The following TMCC1 variants were observed in gnomAD, a reference collection of about 807,000 sequenced individuals.
TMCC1 encodes the protein transmembrane and coiled-coil domain family 1, also known as transmembrane and coiled-coil domains protein 1.
Under a neutral mutation model 52.4 loss-of-function variants are expected in TMCC1, and 15 were observed. That is an observed-to-expected ratio of 0.29 (90% CI 0.19 to 0.44). The LOEUF is 0.44. Among genes scored for constraint, TMCC1 ranks in the 20% least tolerant of loss-of-function variants. The pLI, the probability that TMCC1 is intolerant of heterozygous loss-of-function variation, is 1.00. For missense variants in TMCC1, 503 were observed against 806.0 expected, an observed-to-expected ratio of 0.62 and a Z score of 4.55; for synonymous variants, 279 against 301.9, an observed-to-expected ratio of 0.92 and a Z score of 0.79.
At chr3:129,782,829 T>C (rs936935965) in intron 4 of TMCC1, among the ~76,000 whole-genome samples, 3 of 152,176 alleles carry the variant, frequency 2.0e-5, no homozygotes, top group African/African-American at 7.2e-5. Flanking sequence ...ACACAGAAAA[T>C]ATTTGGAAGC....
intron 4 of TMCC1, among the ~76,000 whole-genome samples, chr3:129,692,502 T>C (rs1038622451): frequency 1.3e-5 from 2 of 152,244 alleles, no homozygotes; most frequent in African/African-American, 4.8e-5. Flanking sequence ...AGAGTGGTTA[T>C]ATCTTTGAGT....
intron 2 of TMCC1, among the ~76,000 whole-genome samples, chr3:129,868,204 T>C (rs1342183072): frequency 6.6e-6 from 1 of 152,158 alleles, no homozygotes; most frequent in Non-Finnish European, 1.5e-5. Context: ...TTTCTGGCTA[T>C]GAAAATTCGC....
rs372005661 is a variant in TMCC1, at chr3:129,828,836, G to T, written c.-130-328C>A. Among the ~76,000 whole-genome samples, 7 of 152,296 alleles carry T rather than the reference G, an allele frequency of 4.6e-5. No individual in the cohort carries two copies. The East Asian group carries it at 1.3e-3, about 29-fold the overall frequency. On this transcript the variant is annotated intron_variant, in intron 3 of 6. Transcript: ENST00000393238. This position sits in a 1 kb window ranked among gnomAD's most constrained non-coding sequence, Gnocchi z 4.1. ...TGGAATGGACACTATAATGGTAGTT[G>T]ACAGAACAGCCATTGCTTGGGAAAT... is the stretch of plus-strand genomic sequence containing the variant.
At chr3:129,797,505 G>T (rs1388969139) in intron 4 of TMCC1, among the ~76,000 whole-genome samples, 2 of 152,172 alleles carry the variant, frequency 1.3e-5, no homozygotes, top group African/African-American at 4.8e-5. Context: ...ACTTTGGGAG[G>T]CCAAGGCAGG....
chr3:129,809,049 C>T (rs1333457110), intron 4 of TMCC1, among the ~76,000 whole-genome samples: 1 of 151,334 alleles, frequency 6.6e-6, no homozygotes, highest in African/African-American at 2.4e-5. Context: ...CCTGGCTAAC[C>T]ATCCTGGCTA....
chr3:129,888,522 G>A (rs552125354), intron 1 of TMCC1, among the ~76,000 whole-genome samples: 1 of 152,244 alleles, frequency 6.6e-6, no homozygotes, highest in East Asian at 1.9e-4. Flanking sequence ...AAATATACAA[G>A]ATGAACCTTA....
chr3:129,741,240 C>A (rs141566206), intron 4 of TMCC1, among the ~76,000 whole-genome samples: 3 of 152,294 alleles, frequency 2.0e-5, no homozygotes, highest in African/African-American at 7.2e-5. Flanking sequence ...GAGGATACAG[C>A]ATCCCTTACA....
chr3:129,846,942 A>G (rs1029074965), intron 2 of TMCC1: 2 of 151,248 alleles, frequency 1.3e-5, no homozygotes, highest in African/African-American at 2.4e-5. Flanking sequence ...GCAGTGAGCT[A>G]TGATCACACC....
At chr3:129,685,080 A>G (rs2089302291) in intron 4 of TMCC1, among the ~76,000 whole-genome samples, 1 of 152,144 alleles carries the variant, frequency 6.6e-6, no homozygotes, top group Non-Finnish European at 1.5e-5. Context: ...CATGTATTAA[A>G]AGAAGGGAAA....
At chr3:129,821,533 T>C (rs888567409) in intron 4 of TMCC1, among the ~76,000 whole-genome samples, 4 of 152,178 alleles carry the variant, frequency 2.6e-5, no homozygotes, top group African/African-American at 9.6e-5. Flanking sequence ...CCAATTAAAG[T>C]TCATTTTATG....
chr3:129,763,972 G>A (rs74487918), intron 4 of TMCC1, among the ~76,000 whole-genome samples: 1,928 of 151,748 alleles, frequency 0.013, 22 homozygotes, highest in Middle Eastern at 0.051. Context: ...ACAAGGGTAA[G>A]AATATATGTA....
At chr3:129,726,302 A>G (rs2050075638) in intron 4 of TMCC1, among the ~76,000 whole-genome samples, 1 of 152,316 alleles carries the variant, frequency 6.6e-6, no homozygotes, top group Non-Finnish European at 1.5e-5. Context: ...TAGGGATACA[A>G]AAATGAATAA....
Position 129,647,856 on chromosome 3 carries a change from G to A in TMCC1, c.*3625C>T, listed in dbSNP as rs1305135025. On this transcript the variant is annotated 3_prime_UTR_variant, in exon 7 of 7. Transcript: ENST00000393238. ...AAAAGTGCTGCTGAGAATCTGCAGC[G>A]ACCAGACAGAACATAAATTTAAATC... is the stretch of plus-strand genomic sequence containing the variant. 1 of 152,594 alleles carries A rather than the reference G, an allele frequency of 6.6e-6. No homozygotes were observed. The highest frequency in any genetic ancestry group is 1.5e-5 in the Non-Finnish European group (1 of 68,024). 9.5% of individuals were successfully genotyped at this position (152,594 alleles called of 1,614,324 possible). A position where few individuals can be genotyped will look rare whatever the true frequency, so the allele number is the denominator to read the frequency against.
chr3:129,816,373 T>C (rs1208915441), intron 4 of TMCC1, among the ~76,000 whole-genome samples: 1 of 152,176 alleles, frequency 6.6e-6, no homozygotes, highest in Admixed American at 6.5e-5. Context: ...GAAAATGTGG[T>C]ATACAAACAC....
chr3:129,711,239 G>A (rs1354494065), intron 4 of TMCC1, among the ~76,000 whole-genome samples: 3 of 152,154 alleles, frequency 2.0e-5, no homozygotes, highest in Non-Finnish European at 4.4e-5. Flanking sequence ...CGCTTAATAA[G>A]CATTCAGTCT....
At chr3:129,696,250 C>A (rs1183775957) in intron 4 of TMCC1, among the ~76,000 whole-genome samples, 2 of 152,226 alleles carry the variant, frequency 1.3e-5, no homozygotes, top group Non-Finnish European at 2.9e-5. Flanking sequence ...TTAACCTGAA[C>A]ATTTCCTTTC....
intron 2 of TMCC1, among the ~76,000 whole-genome samples, chr3:129,853,093 T>C (rs2059987830): frequency 6.6e-6 from 1 of 152,132 alleles, no homozygotes; most frequent in Non-Finnish European, 1.5e-5. Flanking sequence ...TATTTTTCAG[T>C]ACCTATTCTT....
At chr3:129,796,809 AAC>A (rs1166045866) in intron 4 of TMCC1, among the ~76,000 whole-genome samples, 2 of 152,190 alleles carry the variant, frequency 1.3e-5, no homozygotes, top group African/African-American at 4.8e-5. Flanking sequence ...CAGTCTGCGC[AAC>A]AGAGTGAGAC....
rs552591897 is a variant in TMCC1 at position 129,677,648 on chromosome 3, T to C, written c.577-6384A>G. ...ATGAAATTCTAAAGTAATGAAGGGATCCAAAATGCTCAATAGGGTCTATGA... is the reference window on the plus strand; with the variant it reads ...ATGAAATTCTAAAGTAATGAAGGGACCCAAAATGCTCAATAGGGTCTATGA... On this transcript the variant is annotated intron_variant, in intron 4 of 6. Coordinates refer to ENST00000393238, the MANE Select transcript of TMCC1 (RefSeq NM_001017395.5). Among the ~76,000 whole-genome samples, 104 of 152,280 alleles carry C rather than the reference T, an allele frequency of 6.8e-4. 2 individuals are homozygous for C. The highest frequency in any genetic ancestry group is 2.6e-3 in the Admixed American group (39 of 15,294).
Sources: gnomAD v4.1 joint callset for allele counts (sites outside exome capture counted in the v4.1 genomes callset) on GRCh38, gnomAD v4.1.1 for gene constraint, Gnocchi (gnomAD v3.1) non-coding constraint, MANE v1.5 for transcripts, NCBI Gene and HGNC (gene_info 2026-07-23, HGNC 2026-07-21) for gene names.